Variants in HPSE2 observed in about 807,000 individuals in gnomAD.
HPSE2 encodes the protein heparanase 2 (inactive).
Under a neutral mutation model 60.5 loss-of-function variants are expected in HPSE2, and 38 were observed. That is an observed-to-expected ratio of 0.63 (90% CI 0.48 to 0.82). The LOEUF (loss-of-function observed/expected upper bound fraction) is 0.82, where lower values mean the gene tolerates loss of function less well. HPSE2 is among the 40% of genes least tolerant of loss of function. The pLI, the probability that HPSE2 is intolerant of heterozygous loss-of-function variation, is 0.00. For synonymous variants in HPSE2, 295 were observed against 293.2 expected (o/e 1.01, Z -0.06); for missense variants, 713 against 740.4 (o/e 0.96, Z 0.43).
chr10:98,627,729 T>C (rs1358185900), intron 7 of HPSE2, among the ~76,000 whole-genome samples: 3 of 152,248 alleles, frequency 2.0e-5, no homozygotes, highest in Non-Finnish European at 4.4e-5. Context: ...GTGTCTGGCA[T>C]ATAGTAAGCA....
chr10:98,943,417 G>T (rs1330318481), intron 3 of HPSE2, among the ~76,000 whole-genome samples: 1 of 151,856 alleles, frequency 6.6e-6, no homozygotes, highest in East Asian at 1.9e-4. Context: ...AAATTGCAAT[G>T]GTTTCTGCAA....
At chr10:99,177,340 G>A (rs1847565680) in intron 2 of HPSE2, among the ~76,000 whole-genome samples, 1 of 152,066 alleles carries the variant, frequency 6.6e-6, no homozygotes, top group Admixed American at 6.5e-5. Flanking sequence ...ACTGCATGGA[G>A]TCAAGACCCA....
chr10:98,866,471 C>A (rs1952590640), intron 3 of HPSE2, among the ~76,000 whole-genome samples: 1 of 152,030 alleles, frequency 6.6e-6, no homozygotes, highest in Admixed American at 6.6e-5. Flanking sequence ...TGGCAGACAA[C>A]TTTCCAAATT....
intron 3 of HPSE2, among the ~76,000 whole-genome samples, chr10:99,007,867 G>A (rs1956927905): frequency 6.6e-6 from 1 of 152,214 alleles, no homozygotes; most frequent in Non-Finnish European, 1.5e-5. Context: ...TCTGTAAGCA[G>A]TGGACCTAAA....
rs560846171 is a variant in HPSE2, at chr10:98,935,300, C to T, written c.611-191244G>A. On this transcript the variant is annotated intron_variant, in intron 3 of 11. Transcript: ENST00000370552. ...CCTACTTCTGTCAGTTCATCCATCT[C>T]AGCTTTAGCCCCATTCTGTGTCCTT... Among the ~76,000 whole-genome samples, 26 of 143,212 alleles carry T rather than the reference C, an allele frequency of 1.8e-4. 5 individuals are homozygous for T. Among genetic ancestry groups the T allele is most frequent in the African/African-American group, 7.4e-4 (26 of 35,036 alleles). The allele number at this position is 143,212 out of a possible 152,430, so 94.0% of individuals were successfully genotyped here. A position where few individuals can be genotyped will look rare whatever the true frequency, so the allele number is the denominator to read the frequency against.
intron 3 of HPSE2, among the ~76,000 whole-genome samples, chr10:98,776,526 T>A (rs535936982): frequency 3.3e-5 from 5 of 152,112 alleles, no homozygotes; most frequent in Non-Finnish European, 5.9e-5. Context: ...CCAAACATAT[T>A]TAAACAGAAT....
intron 3 of HPSE2, among the ~76,000 whole-genome samples, chr10:99,115,243 T>G: frequency 6.6e-6 from 1 of 151,576 alleles, no homozygotes; most frequent in African/African-American, 2.4e-5. Context: ...AGCTCTTGCT[T>G]CCCGGGTTCA....
At chr10:98,911,791 G>C (rs534612689) in intron 3 of HPSE2, among the ~76,000 whole-genome samples, 1 of 152,194 alleles carries the variant, frequency 6.6e-6, no homozygotes, top group East Asian at 1.9e-4. Flanking sequence ...ATGAGATAAC[G>C]GTGGGGATGG....
At chr10:98,846,041 CTT>C (rs915187782) in intron 3 of HPSE2, among the ~76,000 whole-genome samples, 36 of 152,306 alleles carry the variant, frequency 2.4e-4, no homozygotes, top group African/African-American at 8.4e-4. Context: ...AGCAAGATAA[CTT>C]TACAGATTCT....
At position 99,235,101 on chromosome 10, in the gene HPSE2, T is replaced by TACACACACACAC. The variant is rs10630273; in HGVS notation, c.290+400_290+411dup. Among the ~76,000 whole-genome samples the TACACACACACAC allele has an allele frequency of 1.1e-3, 165 of 147,598 alleles. 1 individual carries two copies. In the South Asian group the frequency reaches 0.018, roughly 16 times the overall value. On this transcript the variant is annotated intron_variant, in intron 1 of 11. Transcript: ENST00000370552. ...CACACACACACTCTCCTGTCTCACATACACACACACACACACACACACACA... is the reference window on the plus strand; with the variant it reads ...CACACACACACTCTCCTGTCTCACATACACACACACACACACACACACACACACACACACACA...
In HPSE2 at chr10:99,071,378, A is replaced by G. The variant is rs1016587738; in HGVS notation, c.610+72860T>C. 5.9e-5 allele frequency among the ~76,000 whole-genome samples: 9 copies of G among 151,948 alleles called. No homozygotes were observed. The South Asian group carries it at 8.3e-4, about 14-fold the overall frequency. Reference sequence around the variant, plus strand: ...AGCCGCCGTGCCTGGCCTATTTTTAATTTTTTGAGGAAATGTCATATCTTT... The same window carrying G: ...AGCCGCCGTGCCTGGCCTATTTTTAGTTTTTTGAGGAAATGTCATATCTTT... On this transcript the variant is annotated intron_variant, in intron 3 of 11. Coordinates refer to ENST00000370552, the MANE Select transcript of HPSE2 (RefSeq NM_021828.5).
At chr10:98,512,856 T>C (rs1942463799) in intron 9 of HPSE2, among the ~76,000 whole-genome samples, 1 of 59,222 alleles carries the variant, frequency 1.7e-5, no homozygotes, top group African/African-American at 3.7e-5. Context: ...CACACTTTGT[T>C]AACTCAACTG....
rs556701376 is a variant in HPSE2, at chr10:98,617,900, A to G, written c.1205+2702T>C. ...GAACACTCGGTAGCAGAGAATCCCA[A>G]TTTATGCATACGTGCATGTATATGT... On this transcript the variant is annotated intron_variant, in intron 8 of 11. Transcript: ENST00000370552. Among the ~76,000 whole-genome samples the G allele has an allele frequency of 3.9e-5, 6 of 152,342 alleles. No homozygotes were observed. In the South Asian group the frequency reaches 1.2e-3, roughly 32 times the overall value.
At chr10:98,882,796 A>C (rs1325164385) in intron 3 of HPSE2, among the ~76,000 whole-genome samples, 1 of 152,036 alleles carries the variant, frequency 6.6e-6, no homozygotes, top group Non-Finnish European at 1.5e-5. Context: ...AATCTAGCCC[A>C]GTGCTCTACA....
At chr10:99,286,491 TCATA>T in the HPSE2 span, among the ~76,000 whole-genome samples, 5 of 152,092 alleles carry the variant, frequency 3.3e-5, no homozygotes, top group African/African-American at 1.2e-4. Context: ...ATGAGCAAAT[TCATA>T]GAGACAGAAA....
chr10:99,080,835 C>A (rs114779555), intron 3 of HPSE2, among the ~76,000 whole-genome samples: 1,606 of 152,126 alleles, frequency 0.011, 33 homozygotes, highest in African/African-American at 0.037. Context: ...TTTTTTTTCA[C>A]TTTTATAGGC....
At chr10:99,184,050 T>A (rs558300814) in intron 2 of HPSE2, among the ~76,000 whole-genome samples, 41 of 151,638 alleles carry the variant, frequency 2.7e-4, no homozygotes, top group African/African-American at 9.2e-4. Context: ...ACAAAAAAAA[T>A]ATTTAAAGGA....
At chr10:98,595,621 C>G (rs1945213988) in intron 9 of HPSE2, among the ~76,000 whole-genome samples, 1 of 151,794 alleles carries the variant, frequency 6.6e-6, no homozygotes, top group Admixed American at 6.6e-5. Flanking sequence ...TTAGGATTTC[C>G]TTATATAAGA....
At chr10:99,285,173 T>A in the HPSE2 span, among the ~76,000 whole-genome samples, 2 of 151,900 alleles carry the variant, frequency 1.3e-5, no homozygotes, top group African/African-American at 2.4e-5. Context: ...TTCATACCTG[T>A]AATCCCAACA....
Sources: gnomAD v4.1 joint callset for allele counts (sites outside exome capture counted in the v4.1 genomes callset) on GRCh38, gnomAD v4.1.1 for gene constraint, MANE v1.5 for transcripts, NCBI Gene and HGNC (gene_info 2026-07-23, HGNC 2026-07-21) for gene names.